SH3TC2: variants seen among roughly 807,000 people sequenced by gnomAD.
SH3TC2 encodes the protein SH3 domain and tetratricopeptide repeats 2.
In SH3TC2, 87 loss-of-function variants were observed where a neutral mutation model predicts 124.5. The ratio of observed to expected loss-of-function variants is 0.70; its 90% confidence interval spans 0.59 to 0.84. The LOEUF (loss-of-function observed/expected upper bound fraction) is 0.84, where lower values mean the gene tolerates loss of function less well. Ranked by LOEUF, SH3TC2 falls within the 40% of genes least tolerant of loss-of-function variation. The pLI is 0.00. For synonymous variants in SH3TC2, 634 were observed against 628.5 expected, an observed-to-expected ratio of 1.01 and a Z score of -0.13; for missense variants, 1,536 against 1,566.4, an observed-to-expected ratio of 0.98 and a Z score of 0.33.
intron 1 of SH3TC2, chr5:149,062,174 A>G: frequency 7.7e-6 from 3 of 390,872 alleles, no homozygotes; most frequent in South Asian, 6.0e-5. Context: ...CCTTGGAGCA[A>G]TGTTCCCCTA....
At position 148,984,993 on chromosome 5, in the gene SH3TC2, T is replaced by C. The variant is rs1289716160; in HGVS notation, c.*19718A>G. On this transcript the variant is annotated 3_prime_UTR_variant, in exon 17 of 17. Coordinates refer to ENST00000515425, the MANE Select transcript of SH3TC2 (RefSeq NM_024577.4). ...AGGGATGGAAGCAATGGAAGATTACTCCCATTATTTTTAATCTGGTTTTCA... is the reference window on the plus strand; with the variant it reads ...AGGGATGGAAGCAATGGAAGATTACCCCCATTATTTTTAATCTGGTTTTCA... 6.6e-6 allele frequency among the ~76,000 whole-genome samples: 1 copy of C among 152,136 alleles called. No homozygotes were observed. The highest frequency in any genetic ancestry group is 1.5e-5 in the Non-Finnish European group (1 of 68,002).
At chr5:149,038,820 G>C (rs1220573369) in intron 7 of SH3TC2, among the ~76,000 whole-genome samples, 1 of 152,206 alleles carries the variant, frequency 6.6e-6, no homozygotes, top group Admixed American at 6.5e-5. Context: ...AAAGCTCACT[G>C]TATTGTCCTG....
At chr5:149,012,785 G>C (rs1215850662) in intron 12 of SH3TC2, 51 bp from the exon 13 acceptor site, 1 of 1,602,092 alleles carries the variant, frequency 6.2e-7, no homozygotes, top group Non-Finnish European at 8.5e-7. Flanking sequence ...GGGGCCTTAG[G>C]GTCCACTCAG....
Position 149,003,940 on chromosome 5 carries a change from A to T in SH3TC2, c.*771T>A, listed in dbSNP as rs1753639203. On this transcript the variant is annotated 3_prime_UTR_variant, in exon 17 of 17. Coordinates refer to ENST00000515425, the MANE Select transcript of SH3TC2 (RefSeq NM_024577.4). ...CATCTGCCCCCATTGTGGATGAGAC[A>T]AAATGTGTGTGTAAATGTAACTGGA... is the stretch of plus-strand genomic sequence containing the variant. The T allele has an allele frequency of 3.4e-6, 1 of 289,942 alleles. No individual in the cohort carries two copies. The highest frequency in any genetic ancestry group is 4.2e-5 in the Admixed American group (1 of 23,554). 18.0% of individuals were successfully genotyped at this position (289,942 alleles called of 1,614,324 possible). A position where few individuals can be genotyped will look rare whatever the true frequency, so the allele number is the denominator to read the frequency against.
intron 1 of SH3TC2, among the ~76,000 whole-genome samples, chr5:149,055,905 G>T (rs888601585): frequency 6.6e-6 from 1 of 152,084 alleles, no homozygotes; most frequent in Non-Finnish European, 1.5e-5. Context: ...AACATAGCAA[G>T]ACCCATCCCC....
At position 149,048,003 on chromosome 5, in the gene SH3TC2, G is replaced by A; in HGVS notation, c.152-14C>T. On this transcript the variant is annotated splice_polypyrimidine_tract_variant and intron_variant, in intron 2 of 16. Coordinates refer to ENST00000515425, the MANE Select transcript of SH3TC2 (RefSeq NM_024577.4). Reference sequence around the variant, plus strand: ...AGAGTGTCAGGTCTTAAAGAGAACAGAGAGAGAAGGATCAGGCTGAAAATA... The same window carrying A: ...AGAGTGTCAGGTCTTAAAGAGAACAAAGAGAGAAGGATCAGGCTGAAAATA... The A allele has an allele frequency of 2.5e-6, 4 of 1,613,820 alleles. No individual in the cohort carries two copies. The highest frequency in any genetic ancestry group is 3.4e-6 in the Non-Finnish European group (4 of 1,179,842).
rs1229103750 is a variant in SH3TC2, at chr5:148,994,185, T to G, written c.*10526A>C. Among the ~76,000 whole-genome samples, 6 of 152,342 alleles carry G rather than the reference T, an allele frequency of 3.9e-5. 1 individual carries two copies. Among genetic ancestry groups the G allele is most frequent in the African/African-American group, 1.4e-4 (6 of 41,578 alleles). On this transcript the variant is annotated 3_prime_UTR_variant, in exon 17 of 17. Coordinates refer to ENST00000515425, the MANE Select transcript of SH3TC2 (RefSeq NM_024577.4). ...CTGAGGTTTTATGCAATACTTGCAATATAGATAAGGCTTGGACTGGTGTCC... is the reference window on the plus strand; with the variant it reads ...CTGAGGTTTTATGCAATACTTGCAAGATAGATAAGGCTTGGACTGGTGTCC...
rs1296251907 is a variant in SH3TC2, at chr5:148,988,739, T to C, written c.*15972A>G. ...AACAGTAGAGAACCCAAGCGAGAATTGCCCGGGTGAGCCCAGTCAATCCAT... is the reference window on the plus strand; with the variant it reads ...AACAGTAGAGAACCCAAGCGAGAATCGCCCGGGTGAGCCCAGTCAATCCAT... On this transcript the variant is annotated 3_prime_UTR_variant, in exon 17 of 17. Transcript: ENST00000515425. Among the ~76,000 whole-genome samples, 1 of 152,234 alleles carries C rather than the reference T, an allele frequency of 6.6e-6. No individual in the cohort carries two copies. Among genetic ancestry groups the C allele is most frequent in the Non-Finnish European group, 1.5e-5 (1 of 68,052 alleles).
chr5:149,048,390 T>C lies in SH3TC2; in HGVS notation c.152-401A>G, dbSNP rs141082476. Among the ~76,000 whole-genome samples the C allele has an allele frequency of 3.5e-3, 527 of 152,354 alleles. 2 individuals carry two copies. The highest frequency in any genetic ancestry group is 0.01 in the African/African-American group (420 of 41,586). On this transcript the variant is annotated intron_variant, in intron 2 of 16. Coordinates refer to ENST00000515425, the MANE Select transcript of SH3TC2 (RefSeq NM_024577.4). ...ATCCATATTTAAGGAAATGTACTTA[T>C]GTGTCAAAGTTATCATATGTAATAG...
intron 1 of SH3TC2, among the ~76,000 whole-genome samples, chr5:149,055,912 C>T (rs757361125): frequency 6.6e-6 from 1 of 152,010 alleles, no homozygotes; most frequent in Non-Finnish European, 1.5e-5. Context: ...CAAGACCCAT[C>T]CCCCAAAAAT....
intron 8 of SH3TC2, 23 bp from the exon 9 acceptor site, chr5:149,031,710 G>A: frequency 1.2e-6 from 2 of 1,613,534 alleles, no homozygotes; most frequent in Admixed American, 1.7e-5. Flanking sequence ...AAAAAACACA[G>A]AGACAGATTA....
In SH3TC2 at chr5:149,028,235, A is replaced by G. The variant is rs746701099; in HGVS notation, c.1497T>C (p.Tyr499=). ...FSFSFLTSSF[Y]SFSEEDEFVA... is the part of the protein sequence containing the mutation. ...CAAACTCATCCTCCTCAGAGAAGCT[A>G]TAAAAGGAAGAAGTGAGGAAAGAGA... The change falls in exon 11 of 17, where the codon TAT becomes TAC. Residue 499 remains tyrosine (Y), a synonymous_variant. Transcript: ENST00000515425. The G allele has an allele frequency of 4.3e-6, 7 of 1,613,924 alleles. No individual in the cohort carries two copies.
Position 148,986,796 on chromosome 5 carries a change from C to A in SH3TC2, c.*17915G>T, listed in dbSNP as rs1332077431. On this transcript the variant is annotated 3_prime_UTR_variant, in exon 17 of 17. Coordinates refer to ENST00000515425, the MANE Select transcript of SH3TC2 (RefSeq NM_024577.4). ...AATCCCATTCCCATGCTGTAATCTCCCAGTCCTGTTCTGTCTTGCTCCTCC... is the reference window on the plus strand; with the variant it reads ...AATCCCATTCCCATGCTGTAATCTCACAGTCCTGTTCTGTCTTGCTCCTCC... 2.6e-5 allele frequency among the ~76,000 whole-genome samples: 4 copies of A among 152,110 alleles called. No individual in the cohort carries two copies. In the East Asian group the frequency reaches 7.7e-4, roughly 29 times the overall value.
intron 4 of SH3TC2, among the ~76,000 whole-genome samples, chr5:149,043,076 C>T (rs1425739109): frequency 6.6e-6 from 1 of 152,232 alleles, no homozygotes; most frequent in Admixed American, 6.5e-5. Flanking sequence ...ACCATTTCAA[C>T]ATATTGTGAG....
intron 15 of SH3TC2, chr5:149,007,798 T>A (rs1332530576): frequency 6.6e-6 from 1 of 152,316 alleles, no homozygotes; most frequent in Non-Finnish European, 1.5e-5. Flanking sequence ...TGGGATACCA[T>A]CTAAAAACAT....
intron 12 of SH3TC2, among the ~76,000 whole-genome samples, chr5:149,014,064 T>C (rs192567671): frequency 6.6e-6 from 1 of 152,316 alleles, no homozygotes; most frequent in East Asian, 1.9e-4. Context: ...TACATATGTT[T>C]GCACAGTACA....
In SH3TC2 at chr5:149,004,997, T is replaced by TG. The variant is rs568004329; in HGVS notation, c.3676-96_3676-95insC. The TG allele has an allele frequency of 6.1e-4, 783 of 1,285,556 alleles. 5 individuals are homozygous for TG. The African/African-American group carries it at 0.01, about 17-fold the overall frequency. The allele number at this position is 1,285,556 out of a possible 1,614,324, so 79.6% of individuals were successfully genotyped here. ...GTGCTGGCCACTCTAGTTTTTTTTG[T>TG]TTGTTTGTTTGTTTGTTTGTTTGCC... On this transcript the variant is annotated intron_variant, in intron 16 of 16. Transcript: ENST00000515425.
Position 148,988,577 on chromosome 5 carries a change from T to G in SH3TC2, c.*16134A>C, listed in dbSNP as rs1753371993. On this transcript the variant is annotated 3_prime_UTR_variant, in exon 17 of 17. Coordinates refer to ENST00000515425, the MANE Select transcript of SH3TC2 (RefSeq NM_024577.4). ...ACATGGAGTCGACATGGCTCACGGC[T>G]CCAGTTGATCACAGCCCCAGCTGAG... is the stretch of plus-strand genomic sequence containing the variant. Among the ~76,000 whole-genome samples the G allele has an allele frequency of 6.6e-6, 1 of 152,154 alleles. No homozygotes were observed. Among genetic ancestry groups the G allele is most frequent in the African/African-American group, 2.4e-5 (1 of 41,432 alleles).
chr5:149,048,982 G>C (rs1278587319), intron 2 of SH3TC2, among the ~76,000 whole-genome samples: 1 of 152,200 alleles, frequency 6.6e-6, no homozygotes, highest in East Asian at 1.9e-4. Context: ...GGTCTCACTT[G>C]CAGCCTCAAC....
Sources: allele counts gnomAD v4.1 joint callset (sites outside exome capture counted in the v4.1 genomes callset), GRCh38; gene constraint gnomAD v4.1.1; transcripts MANE v1.5; gene names NCBI Gene and HGNC (gene_info 2026-07-23, HGNC 2026-07-21).